The following SEC31B variants were observed in gnomAD, a reference collection of about 807,000 sequenced individuals.
SEC31B encodes protein transport protein Sec31B.
Under a neutral mutation model 135.0 loss-of-function variants are expected in SEC31B, and 113 were observed. That is an observed-to-expected ratio of 0.84 (90% CI 0.72 to 0.98). The LOEUF (loss-of-function observed/expected upper bound fraction) is 0.98. SEC31B is among the 50% of genes least tolerant of loss of function. The pLI, the probability that SEC31B is intolerant of heterozygous loss-of-function variation, is 0.00. For synonymous variants in SEC31B, 508 were observed against 549.4 expected, an observed-to-expected ratio of 0.92 and a Z score of 1.05; for missense variants, 1,296 against 1,421.1, an observed-to-expected ratio of 0.91 and a Z score of 1.42.
chr10:100,493,197 C>T (rs896279043), intron 19 of SEC31B, among the ~76,000 whole-genome samples: 11 of 152,040 alleles, frequency 7.2e-5, no homozygotes, highest in Admixed American at 3.9e-4. Context: ...CATGGTGAAA[C>T]CCCATCTCCA....
chr10:100,505,722 G>A (rs961834437), intron 9 of SEC31B: 2 of 1,411,268 alleles, frequency 1.4e-6, no homozygotes, highest in Non-Finnish European at 9.2e-7. Context: ...ATGGAGTGTG[G>A]CACAAAATGG....
intron 6 of SEC31B, 62 bp downstream of exon 6, chr10:100,507,846 T>C: frequency 6.2e-7 from 1 of 1,605,490 alleles, no homozygotes; most frequent in South Asian, 1.1e-5. Context: ...AGAGCAGCTC[T>C]AACTGCTAGG....
intron 3 of SEC31B, among the ~76,000 whole-genome samples, chr10:100,513,703 C>T (rs918755864): frequency 3.3e-5 from 5 of 152,050 alleles, no homozygotes; most frequent in Non-Finnish European, 7.4e-5. Context: ...CTCCTGGCCT[C>T]AAGCGATCCA....
At chr10:100,495,578 A>T in intron 18 of SEC31B, 32 bp from the exon 19 acceptor site, 2 of 1,597,006 alleles carry the variant, frequency 1.3e-6, no homozygotes, top group Non-Finnish European at 1.7e-6. Flanking sequence ...AGCTGTGTCA[A>T]GAAATTAAAA....
intron 10 of SEC31B, among the ~76,000 whole-genome samples, 161 bp from the exon 11 acceptor site, chr10:100,502,645 T>C (rs1185416690): frequency 2.6e-5 from 4 of 152,152 alleles, no homozygotes; most frequent in African/African-American, 4.8e-5. Context: ...GAATTTAGTA[T>C]TGAATTCGTC....
chr10:100,509,658 G>A (rs955005792), intron 3 of SEC31B, 147 bp from the exon 4 acceptor site: 15 of 622,062 alleles, frequency 2.4e-5, no homozygotes, highest in Admixed American at 1.6e-4. Context: ...CAGACAGAAG[G>A]GATGTATCCT....
At position 100,499,258 on chromosome 10, in the gene SEC31B, C is replaced by G. The variant is rs772759252; in HGVS notation, c.1486G>C (p.Val496Leu). Residue 496 changes from valine to leucine, a missense_variant and splice_region_variant, in exon 13 of 26, where the codon GTG becomes CTG. Transcript: ENST00000370345. ...ACGTCACTCTTCAACCATGTGGCCA[C>G]CTGCAGGGAGAGACCTCTGAAAACC... is the stretch of plus-strand genomic sequence containing the variant. ...GYSKDELQKK[V>L]ATWLKSDVGL... The G allele has an allele frequency of 3.1e-6, 5 of 1,610,294 alleles. No homozygotes were observed. The East Asian group carries it at 1.1e-4, about 36-fold the overall frequency.
At chr10:100,508,645 G>A in intron 5 of SEC31B, 1 of 408,484 alleles carries the variant, frequency 2.4e-6, no homozygotes, top group Non-Finnish European at 4.6e-6. Context: ...TATGTCTGGG[G>A]TCCTACTCTT....
chr10:100,496,141 CCATCTTATCT>C, intron 18 of SEC31B, 107 bp downstream of exon 18: 1 of 1,100,534 alleles, frequency 9.1e-7, no homozygotes, highest in Non-Finnish European at 1.3e-6. Context: ...TTAAGGGATT[CCATCTTATCT>C]ATCCTAGGAG....
At chr10:100,500,945 G>A (rs971921557) in intron 11 of SEC31B, among the ~76,000 whole-genome samples, 3 of 151,856 alleles carry the variant, frequency 2.0e-5, no homozygotes, top group African/African-American at 2.4e-5. Context: ...GGTGGCTCAC[G>A]CCTATAATGC....
chr10:100,493,738 C>T (rs184852759), intron 19 of SEC31B, among the ~76,000 whole-genome samples: 59 of 152,278 alleles, frequency 3.9e-4, no homozygotes, highest in Admixed American at 3.5e-3. Flanking sequence ...CATAAACACA[C>T]ACCTAACAAT....
chr10:100,509,652 C>A lies in SEC31B; in HGVS notation c.204-141G>T, dbSNP rs549937333. On this transcript the variant is annotated intron_variant, in intron 3 of 25. Transcript: ENST00000370345. The stretch of plus-strand genomic sequence containing the variant: ...TTGCCTGTCTCCTTCATTTCCCAGA[C>A]AGAAGGGATGTATCCTCCGCCCAGT... 5 of 633,928 alleles carry A rather than the reference C, an allele frequency of 7.9e-6. No individual in the cohort carries two copies. In the East Asian group the frequency reaches 1.1e-4, roughly 14 times the overall value. 39.3% of individuals were successfully genotyped at this position (633,928 alleles called of 1,614,324 possible).
intron 3 of SEC31B, among the ~76,000 whole-genome samples, chr10:100,515,403 T>A (rs542646692): frequency 3.3e-4 from 50 of 152,324 alleles, no homozygotes; most frequent in Admixed American, 1.2e-3. Context: ...TTGGAGACCA[T>A]TGCTTCAGAT....
chr10:100,489,063 T>G, intron 23 of SEC31B, 89 bp from the exon 24 acceptor site: 1 of 1,520,718 alleles, frequency 6.6e-7, no homozygotes, highest in Non-Finnish European at 8.8e-7. Context: ...TGACTCACAG[T>G]CACACTGTTC....
At chr10:100,497,302 A>T (rs752926099) in intron 16 of SEC31B, 22 bp from the exon 17 acceptor site, 1 of 1,609,960 alleles carries the variant, frequency 6.2e-7, no homozygotes, top group African/African-American at 1.3e-5. Context: ...GGGTAATTTC[A>T]TTAATGGCAC....
intron 22 of SEC31B, 31 bp downstream of exon 22, chr10:100,489,672 C>A: frequency 6.2e-7 from 1 of 1,613,878 alleles, no homozygotes; most frequent in Non-Finnish European, 8.5e-7. Context: ...GGTGAATGTG[C>A]GAGGGAGTGG....
Position 100,488,936 on chromosome 10 carries a change from C to T in SEC31B, c.3210G>A (p.Glu1070=), listed in dbSNP as rs777672854. Residue 1070 remains glutamate, a synonymous_variant, in exon 24 of 26, where the codon GAG becomes GAA. Transcript: ENST00000370345. ...TCAAGGACTGATGCTCTGGGGGCAG[C>T]TCCTTCCTTTCCATCTTCTCAGGTG... is the stretch of plus-strand genomic sequence containing the variant. ...HLPPEKMERK[E]LPPEHQSLKS... 1.5e-5 allele frequency: 24 copies of T among 1,611,238 alleles called. No individual in the cohort carries two copies. The highest frequency in any genetic ancestry group is 6.8e-5 in the Admixed American group (4 of 59,252).
intron 6 of SEC31B, 152 bp from the exon 7 acceptor site, chr10:100,507,719 C>A (rs1203484772): frequency 1.6e-6 from 2 of 1,266,888 alleles, no homozygotes; most frequent in Admixed American, 4.1e-5. Context: ...TAAGGAATGG[C>A]AGAAGCTTCC....
chr10:100,508,116 T>G, intron 5 of SEC31B, 65 bp from the exon 6 acceptor site: 1 of 1,591,606 alleles, frequency 6.3e-7, no homozygotes, highest in Non-Finnish European at 8.6e-7. Context: ...ACATCTGCTG[T>G]TCCACTGCTC....
Sources: allele counts gnomAD v4.1 joint callset (sites outside exome capture counted in the v4.1 genomes callset), GRCh38; gene constraint gnomAD v4.1.1; transcripts MANE v1.5; gene names NCBI Gene and HGNC (gene_info 2026-07-23, HGNC 2026-07-21).